Variants in ASIC2 observed in about 807,000 individuals in gnomAD.
The protein encoded by ASIC2 is acid sensing ion channel subunit 2.
A neutral mutation model predicts 57.3 loss-of-function variants in ASIC2; 25 were observed. That is an observed-to-expected ratio of 0.44 (90% CI 0.32 to 0.61). The LOEUF (loss-of-function observed/expected upper bound fraction) is 0.61. Among genes scored for constraint, ASIC2 ranks in the 20% least tolerant of loss-of-function variants. The pLI, the probability that ASIC2 is intolerant of heterozygous loss-of-function variation, is 0.06. For synonymous variants in ASIC2, 319 were observed against 307.5 expected (o/e 1.04, Z -0.39); for missense variants, 641 against 738.1 (o/e 0.87, Z 1.52).
At chr17:33,256,465 A>G (rs1909078676) in intron 1 of ASIC2, among the ~76,000 whole-genome samples, 1 of 152,150 alleles carries the variant, frequency 6.6e-6, no homozygotes, top group East Asian at 1.9e-4. Context: ...TACACTCTGC[A>G]TTTTTTAAAA....
chr17:33,765,432 T>C (rs991421212), intron 1 of ASIC2, among the ~76,000 whole-genome samples: 8 of 152,178 alleles, frequency 5.3e-5, no homozygotes, highest in Non-Finnish European at 1.2e-4. Flanking sequence ...TAAAATAACT[T>C]TCTTTTCCCC....
chr17:33,175,244 T>A (rs1000254183), intron 1 of ASIC2, among the ~76,000 whole-genome samples: 11 of 152,330 alleles, frequency 7.2e-5, no homozygotes, highest in South Asian at 6.2e-4. Context: ...TTCTCCGACA[T>A]TGATTCTTTG....
In ASIC2 at chr17:33,880,737, G is replaced by C. The variant is rs944850934; in HGVS notation, c.555+275241C>G. On this transcript the variant is annotated intron_variant, in intron 1 of 9. Coordinates refer to the ASIC2 transcript ENST00000359872. ...ACTATTCTGATCAATAGAAAAAGAG[G>C]GAATCCTCCCTAACTCATTTTATGA... Among the ~76,000 whole-genome samples, 12 of 152,220 alleles carry C rather than the reference G, an allele frequency of 7.9e-5. No individual in the cohort carries two copies. The East Asian group carries it at 2.3e-3, about 29-fold the overall frequency.
chr17:33,058,582 C>T (rs2092007738), intron 3 of ASIC2, among the ~76,000 whole-genome samples: 1 of 151,778 alleles, frequency 6.6e-6, no homozygotes, highest in Non-Finnish European at 1.5e-5. Flanking sequence ...TACAATTCTA[C>T]TGCTGGCAGG....
intron 1 of ASIC2, among the ~76,000 whole-genome samples, chr17:33,336,632 G>C (rs892501621): frequency 6.6e-6 from 1 of 152,174 alleles, no homozygotes; most frequent in Non-Finnish European, 1.5e-5. Context: ...GGTGAAAATA[G>C]TGAAGTTCAG....
chr17:33,283,874 C>A (rs914885549), intron 1 of ASIC2, among the ~76,000 whole-genome samples: 1 of 152,130 alleles, frequency 6.6e-6, no homozygotes, highest in Non-Finnish European at 1.5e-5. Flanking sequence ...CAAAGCTGCA[C>A]CAAGATCTTT....
At chr17:33,775,095 A>T (rs958888996) in intron 1 of ASIC2, among the ~76,000 whole-genome samples, 3 of 152,194 alleles carry the variant, frequency 2.0e-5, no homozygotes, top group African/African-American at 4.8e-5. Flanking sequence ...AAGCGATCCC[A>T]TCCGGGCTTG....
chr17:33,440,763 C>T (rs188926637), intron 1 of ASIC2, among the ~76,000 whole-genome samples: 203 of 152,148 alleles, frequency 1.3e-3, no homozygotes, highest in African/African-American at 4.3e-3. Flanking sequence ...TGTATTTTCT[C>T]GGGTGAAATG....
At chr17:33,590,589 T>TCTCTAC (rs1567662629) in intron 1 of ASIC2, among the ~76,000 whole-genome samples, 7 of 147,984 alleles carry the variant, frequency 4.7e-5, no homozygotes, top group Non-Finnish European at 8.9e-5. Context: ...CCAATCTCTA[T>TCTCTAC]ACCACACCCC....
intron 3 of ASIC2, among the ~76,000 whole-genome samples, chr17:33,063,779 C>T (rs548167633): frequency 3.9e-5 from 6 of 152,314 alleles, no homozygotes; most frequent in South Asian, 2.1e-4. Flanking sequence ...CCATTCTCCC[C>T]GTCACTTTCA....
At position 33,926,616 on chromosome 17, in the gene ASIC2, T is replaced by G. The variant is rs143757428; in HGVS notation, c.555+229362A>C. On this transcript the variant is annotated intron_variant, in intron 1 of 9. Coordinates refer to the ASIC2 transcript ENST00000359872. ...TTTGTGCCACCATTATTCCTGACTC[T>G]GAATTTTGATGCTACCTAAAGCAAC... Among the ~76,000 whole-genome samples, 25 of 152,380 alleles carry G rather than the reference T, an allele frequency of 1.6e-4. 1 individual carries two copies. The South Asian group carries it at 1.9e-3, about 11-fold the overall frequency.
At chr17:33,764,737 G>A (rs960277235) in intron 1 of ASIC2, among the ~76,000 whole-genome samples, 1 of 152,166 alleles carries the variant, frequency 6.6e-6, no homozygotes, top group African/African-American at 2.4e-5. Context: ...CCAATCACAT[G>A]TTAAAGGCCC....
intron 1 of ASIC2, among the ~76,000 whole-genome samples, chr17:34,034,263 C>G (rs960505743): frequency 1.3e-5 from 2 of 152,168 alleles, no homozygotes; most frequent in African/African-American, 4.8e-5. Flanking sequence ...ACAAAAACCA[C>G]ATGATTATCT....
At chr17:33,382,974 G>T (rs1026201402) in intron 1 of ASIC2, among the ~76,000 whole-genome samples, 1 of 151,864 alleles carries the variant, frequency 6.6e-6, no homozygotes, top group Non-Finnish European at 1.5e-5. Context: ...TCTTTCTCCT[G>T]TCTTCACCTA....
chr17:34,030,885 C>T (rs1907582749), intron 1 of ASIC2, among the ~76,000 whole-genome samples: 1 of 152,234 alleles, frequency 6.6e-6, no homozygotes, highest in South Asian at 2.1e-4. Context: ...GGGTGGAGCC[C>T]ACCACAGCTC....
intron 1 of ASIC2, among the ~76,000 whole-genome samples, chr17:34,114,475 A>G (rs1306604427): frequency 6.6e-6 from 1 of 152,168 alleles, no homozygotes; most frequent in Non-Finnish European, 1.5e-5. Context: ...TGGAGCAAGG[A>G]CAAGGAAAAA....
intron 1 of ASIC2, among the ~76,000 whole-genome samples, chr17:33,702,908 C>T (rs554803732): frequency 1.3e-5 from 2 of 152,268 alleles, no homozygotes; most frequent in East Asian, 3.9e-4. Context: ...TTCCTGCTTT[C>T]ATGAAGCAGA....
chr17:33,958,714 G>A (rs1436970977), intron 1 of ASIC2, among the ~76,000 whole-genome samples: 2 of 152,206 alleles, frequency 1.3e-5, no homozygotes, highest in South Asian at 4.1e-4. Flanking sequence ...TGCCACAAAC[G>A]TCTCTGATAC....
chr17:33,914,449 T>C (rs1346593021), intron 1 of ASIC2, among the ~76,000 whole-genome samples: 1 of 152,150 alleles, frequency 6.6e-6, no homozygotes, highest in African/African-American at 2.4e-5. Context: ...CAAAACCCAG[T>C]TCAGTCTCAG....
Sources: gnomAD v4.1 joint callset for allele counts (sites outside exome capture counted in the v4.1 genomes callset) on GRCh38, gnomAD v4.1.1 for gene constraint, MANE v1.5 for transcripts, NCBI Gene and HGNC (gene_info 2026-07-23, HGNC 2026-07-21) for gene names.